CXCR3: variants seen among roughly 807,000 people sequenced by gnomAD.
CXCR3 encodes C-X-C chemokine receptor type 3.
For missense variants in CXCR3, 239 were observed against 310.2 expected (o/e 0.77, Z 1.72); for synonymous variants, 136 against 148.0 (o/e 0.92, Z 0.59).
chrX:71,616,834 G>A lies in CXCR3; in HGVS notation c.638C>T (p.Thr213Met), dbSNP rs199927524. The A allele has an allele frequency of 1.6e-4, 199 of 1,208,545 alleles. 1 individual carries two copies. The highest frequency in any genetic ancestry group is 2.1e-4 in the Non-Finnish European group (192 of 894,590). The change falls in exon 2 of 2, where the codon ACG (threonine) becomes ATG (methionine). Residue 213 changes from threonine to methionine, a missense_variant. Physicochemically the swap from Thr to Met is moderately conservative, Grantham distance 81. Coordinates refer to ENST00000373693, the MANE Select transcript of CXCR3 (RefSeq NM_001504.2). ...CACCAGCTGCAGCACCCGCAGAGCC[G>A]TGCGGCCCACCTGTGGGAAGTTGTA... ...CQYNFPQVGR[T>M]ALRVLQLVAG... is the part of the protein sequence containing the mutation.
At chrX:71,617,939 G>T (rs780190931) in intron 1 of CXCR3, among the ~76,000 whole-genome samples, 1 of 21,562 alleles carries the variant, frequency 4.6e-5, no homozygotes, top group Non-Finnish European at 1.1e-4. Context: ...CCCCCCCACC[G>T]TGTGGCCTCT....
Position 71,616,142 on chromosome X carries a change from C to T in CXCR3, c.*223G>A, listed in dbSNP as rs370305820. 33 of 411,927 alleles carry T rather than the reference C, an allele frequency of 8.0e-5. 1 individual carries two copies. Among genetic ancestry groups the T allele is most frequent in the African/African-American group, 5.6e-4 (22 of 39,189 alleles). The allele number at this position is 411,927 out of a possible 1,213,427, so 33.9% of individuals were successfully genotyped here. A position where few individuals can be genotyped will look rare whatever the true frequency, so the allele number is the denominator to read the frequency against. On this transcript the variant is annotated 3_prime_UTR_variant, in exon 2 of 2. Coordinates refer to ENST00000373693, the MANE Select transcript of CXCR3 (RefSeq NM_001504.2). ...ATGAGAAGGGCAGTGGGGCTCCAGG[C>T]AGCCACCTCGGGCGGCAGGATGGGG... is the stretch of plus-strand genomic sequence containing the variant.
rs748373769 is a variant in CXCR3, at chrX:71,616,284, G to C, written c.*81C>G. 2.0e-5 allele frequency: 22 copies of C among 1,098,800 alleles called. No homozygotes were observed. Among genetic ancestry groups the C allele is most frequent in the Non-Finnish European group, 2.2e-5 (18 of 837,027 alleles). 90.6% of individuals were successfully genotyped at this position (1,098,800 alleles called of 1,213,427 possible). A position where few individuals can be genotyped will look rare whatever the true frequency, so the allele number is the denominator to read the frequency against. On this transcript the variant is annotated 3_prime_UTR_variant, in exon 2 of 2. Coordinates refer to ENST00000373693, the MANE Select transcript of CXCR3 (RefSeq NM_001504.2). ...CCCGGGAGCGAGGATATTGGGGAGA[G>C]CCAGAGCCGGCAGAGGGAGGGAGGA...
Position 71,617,182 on chromosome X carries a change from A to G in CXCR3, c.290T>C (p.Val97Ala). ...TGTCAGCACCAGCAGCGTGTCTGCT[A>G]CAGCTAGGTGGAGCAGGAAGGTGTC... ...STDTFLLHLA[V>A]ADTLLVLTLP... Residue 97 changes from valine (V) to alanine (A), a missense_variant, in exon 2 of 2, where the codon GTA becomes GCA. By Grantham distance (64) the Val-to-Ala change is moderately conservative (BLOSUM62 0). Transcript: ENST00000373693. The G allele has an allele frequency of 8.3e-7, 1 of 1,207,078 alleles. No homozygotes were observed. Among genetic ancestry groups the G allele is most frequent in the African/African-American group, 1.7e-5 (1 of 57,837 alleles).
rs921952830 is a variant in CXCR3, at chrX:71,616,224, C to A, written c.*141G>T. ...CCTCAGAGCTGGGAGGGTGGCTTCC[C>A]GGGAGACCTGGTGGTGCTGGGGCTG... On this transcript the variant is annotated 3_prime_UTR_variant, in exon 2 of 2. Transcript: ENST00000373693. 1.1e-6 allele frequency: 1 copy of A among 901,597 alleles called. No individual in the cohort carries two copies. Among genetic ancestry groups the A allele is most frequent in the East Asian group, 3.5e-5 (1 of 28,350 alleles). The allele number at this position is 901,597 out of a possible 1,213,427, so 74.3% of individuals were successfully genotyped here. A position where few individuals can be genotyped will look rare whatever the true frequency, so the allele number is the denominator to read the frequency against.
At chrX:71,618,384 C>A (rs1602192912) in intron 1 of CXCR3, 54 bp downstream of exon 1, 2 of 1,211,464 alleles carry the variant, frequency 1.7e-6, no homozygotes, top group East Asian at 5.9e-5. Flanking sequence ...CCCCTGATGC[C>A]CCGGGTTTTC....
chrX:71,617,357 T>G lies in CXCR3; in HGVS notation c.115A>C (p.Thr39Pro). ...AAGTCCTGTGGGCAGGGCGGGGAGG[T>G]ACAGCACGAGTCACTCTCGTTTTCT... Reference protein sequence around the residue: ...YGENESDSCCTSPPCPQDFSL... With the variant: ...YGENESDSCCPSPPCPQDFSL... Residue 39 changes from threonine to proline, a missense_variant, in exon 2 of 2, where the codon ACC becomes CCC. Physicochemically the swap from Thr to Pro is conservative, Grantham distance 38 (BLOSUM62 -1). Coordinates refer to ENST00000373693, the MANE Select transcript of CXCR3 (RefSeq NM_001504.2). 2 of 1,209,648 alleles carry G rather than the reference T, an allele frequency of 1.7e-6. No homozygotes were observed. Among genetic ancestry groups the G allele is most frequent in the Non-Finnish European group, 2.2e-6 (2 of 894,895 alleles).
chrX:71,617,128 A>G lies in CXCR3; in HGVS notation c.344T>C (p.Val115Ala), dbSNP rs1274569085. The part of the protein sequence containing the change: ...TLPLWAVDAA[V>A]QWVFGSGLCK... ...GAGGCCAGAGCCAAAGACCCACTGG[A>G]CGGCAGCGTCCACTGCCCAGAGCGG... Residue 115 changes from valine (V) to alanine (A), a missense_variant, in exon 2 of 2, where the codon GTC becomes GCC. By Grantham distance (64) the Val-to-Ala change is moderately conservative (BLOSUM62 0). Coordinates refer to ENST00000373693, the MANE Select transcript of CXCR3 (RefSeq NM_001504.2). 2 of 1,205,617 alleles carry G rather than the reference A, an allele frequency of 1.7e-6. No homozygotes were observed. The highest frequency in any genetic ancestry group is 3.0e-5 in the East Asian group (1 of 33,651).
chrX:71,616,630 A>G lies in CXCR3; in HGVS notation c.842T>C (p.Met281Thr), dbSNP rs1222655916. The G allele has an allele frequency of 8.3e-7, 1 of 1,210,600 alleles. No homozygotes were observed. Among genetic ancestry groups the G allele is most frequent in the Non-Finnish European group, 1.1e-6 (1 of 895,318 alleles). The change falls in exon 2 of 2, where the codon ATG becomes ACG. Residue 281 changes from methionine (M) to threonine (T), a missense_variant. Transcript: ENST00000373693. ...GTTGCGGGCCAAAGCGCCCAGGTCC[A>G]TGAGGATGTCCACCAGCACCACCAG... ...YHLVVLVDIL[M>T]DLGALARNCG...
At chrX:71,617,793 G>A (rs747446710) in intron 1 of CXCR3, 4 of 819,296 alleles carry the variant, frequency 4.9e-6, no homozygotes, top group South Asian at 3.5e-5. Context: ...GGCTTGCCTT[G>A]CGTCCTCAGT....
intron 1 of CXCR3, chrX:71,617,709 C>T: frequency 9.2e-7 from 1 of 1,090,591 alleles, no homozygotes; most frequent in Non-Finnish European, 1.2e-6. Flanking sequence ...GACCCCTGGG[C>T]AGGAAGAAGA....
In CXCR3 at chrX:71,616,152, G is replaced by A. The variant is rs1327560895; in HGVS notation, c.*213C>T. 10 of 435,970 alleles carry A rather than the reference G, an allele frequency of 2.3e-5. No individual in the cohort carries two copies. The highest frequency in any genetic ancestry group is 2.9e-5 in the Non-Finnish European group (8 of 275,365). 35.9% of individuals were successfully genotyped at this position (435,970 alleles called of 1,213,427 possible). On this transcript the variant is annotated 3_prime_UTR_variant, in exon 2 of 2. Transcript: ENST00000373693. The stretch of plus-strand genomic sequence containing the variant: ...CAGTGGGGCTCCAGGCAGCCACCTC[G>A]GGCGGCAGGATGGGGCTTGGCAGCT...
Position 71,617,395 on chromosome X carries a change from G to A in CXCR3, c.77C>T (p.Ser26Phe). 1 of 1,211,793 alleles carries A rather than the reference G, an allele frequency of 8.3e-7. No homozygotes were observed. The highest frequency in any genetic ancestry group is 1.1e-6 in the Non-Finnish European group (1 of 895,545). Residue 26 changes from serine to phenylalanine, a missense_variant, in exon 2 of 2, where the codon TCC becomes TTC. Coordinates refer to ENST00000373693, the MANE Select transcript of CXCR3 (RefSeq NM_001504.2). ...VAALLENFSSSYDYGENESDS... is the reference protein window; with the variant it reads ...VAALLENFSSFYDYGENESDS... ...ACTCTCGTTTTCTCCATAGTCATAGGAAGAGCTGAAGTTCTCCAGGAGGGC... is the reference window on the plus strand; with the variant it reads ...ACTCTCGTTTTCTCCATAGTCATAGAAAGAGCTGAAGTTCTCCAGGAGGGC...
In CXCR3 at chrX:71,616,413, C is replaced by G. The variant is rs753010237; in HGVS notation, c.1059G>C (p.Arg353=). The G allele has an allele frequency of 1.5e-5, 18 of 1,205,892 alleles. No individual in the cohort carries two copies. Among genetic ancestry groups the G allele is most frequent in the Admixed American group, 4.4e-5 (2 of 45,479 alleles). The part of the protein sequence containing the change: ...GLQRQPSSSR[R]DSSWSETSEA... ...CTGAGGTCTCAGACCAGGATGAATC[C>G]CGGCGGGAAGACGATGGCTGCCTCT... The change falls in exon 2 of 2, where the codon CGG becomes CGC. Residue 353 remains arginine (R), a synonymous_variant. Coordinates refer to ENST00000373693, the MANE Select transcript of CXCR3 (RefSeq NM_001504.2).
At position 71,616,321 on chromosome X, in the gene CXCR3, G is replaced by A. The variant is rs967128085; in HGVS notation, c.*44C>T. 5.2e-6 allele frequency: 6 copies of A among 1,145,061 alleles called. No homozygotes were observed. Among genetic ancestry groups the A allele is most frequent in the South Asian group, 2.1e-5 (1 of 47,615 alleles). The allele number at this position is 1,145,061 out of a possible 1,213,427, so 94.4% of individuals were successfully genotyped here. ...AGAGGGAGGGAGGAGCCTGGAATGC[G>A]GGGAAGTCAGACTGTGGGCGAAAGG... On this transcript the variant is annotated 3_prime_UTR_variant, in exon 2 of 2. Coordinates refer to ENST00000373693, the MANE Select transcript of CXCR3 (RefSeq NM_001504.2).
In CXCR3 at chrX:71,617,466, G is replaced by A; in HGVS notation, c.13-7C>T. ...GCACTTGGTGGTCACTCACCTGTGA[G>A]GGCGGGAACGGGGAGGAAGGGGCTG... On this transcript the variant is annotated splice_region_variant and splice_polypyrimidine_tract_variant and intron_variant, in intron 1 of 1. Coordinates refer to ENST00000373693, the MANE Select transcript of CXCR3 (RefSeq NM_001504.2). 1 of 1,210,729 alleles carries A rather than the reference G, an allele frequency of 8.3e-7. No individual in the cohort carries two copies.
At chrX:71,617,518 G>A (rs1415354816) in intron 1 of CXCR3, 59 bp from the exon 2 acceptor site, 14 of 1,192,633 alleles carry the variant, frequency 1.2e-5, no homozygotes, top group African/African-American at 1.7e-5. Flanking sequence ...GAACTCTTTT[G>A]TGATTGAGTC....
chrX:71,617,357 T>C lies in CXCR3; in HGVS notation c.115A>G (p.Thr39Ala). 2 of 1,209,648 alleles carry C rather than the reference T, an allele frequency of 1.7e-6. No individual in the cohort carries two copies. Among genetic ancestry groups the C allele is most frequent in the African/African-American group, 3.5e-5 (2 of 57,214 alleles). The change falls in exon 2 of 2, where the codon ACC becomes GCC. Residue 39 changes from threonine to alanine, a missense_variant. By Grantham distance (58) the Thr-to-Ala change is moderately conservative (BLOSUM62 0). Transcript: ENST00000373693. ...AAGTCCTGTGGGCAGGGCGGGGAGGTACAGCACGAGTCACTCTCGTTTTCT... is the reference window on the plus strand; with the variant it reads ...AAGTCCTGTGGGCAGGGCGGGGAGGCACAGCACGAGTCACTCTCGTTTTCT... ...YGENESDSCC[T>A]SPPCPQDFSL...
At position 71,617,469 on chromosome X, in the gene CXCR3, C is replaced by T. The variant is rs370550692; in HGVS notation, c.13-10G>A. 7 of 1,210,086 alleles carry T rather than the reference C, an allele frequency of 5.8e-6. No individual in the cohort carries two copies. The highest frequency in any genetic ancestry group is 7.8e-6 in the Non-Finnish European group (7 of 894,839). ...CTTGGTGGTCACTCACCTGTGAGGGCGGGAACGGGGAGGAAGGGGCTGTGT... is the reference window on the plus strand; with the variant it reads ...CTTGGTGGTCACTCACCTGTGAGGGTGGGAACGGGGAGGAAGGGGCTGTGT... On this transcript the variant is annotated splice_polypyrimidine_tract_variant and intron_variant, in intron 1 of 1. Transcript: ENST00000373693.
Sources: allele counts gnomAD v4.1 joint callset (sites outside exome capture counted in the v4.1 genomes callset), GRCh38; gene constraint gnomAD v4.1.1; transcripts MANE v1.5; gene names NCBI Gene and HGNC (gene_info 2026-07-23, HGNC 2026-07-21).